Variants in FUT8 observed in about 807,000 individuals in gnomAD.
The protein encoded by FUT8 is fucosyltransferase 8, also known as alpha-(1,6)-fucosyltransferase.
Under a neutral mutation model 71.3 loss-of-function variants are expected in FUT8, and 29 were observed. The ratio of observed to expected loss-of-function variants is 0.41; its 90% CI spans 0.30 to 0.55. FUT8 has a LOEUF of 0.55. FUT8 is among the 20% of genes least tolerant of loss of function. FUT8 has a pLI of 0.34. For missense variants in FUT8, 544 were observed against 702.1 expected (o/e 0.77, Z 2.55); for synonymous variants, 254 against 239.3 (o/e 1.06, Z -0.57).
At chr14:65,420,126 G>A (rs1277132451) in intron 1 of FUT8, among the ~76,000 whole-genome samples, 1 of 151,978 alleles carries the variant, frequency 6.6e-6, no homozygotes, top group East Asian at 1.9e-4. Context: ...TGTGCAATTA[G>A]GAATAGTTCC....
the FUT8 span, among the ~76,000 whole-genome samples, chr14:65,376,749 G>A: frequency 6.6e-6 from 1 of 152,070 alleles, no homozygotes; most frequent in African/African-American, 2.4e-5. Context: ...TTCTTTCATA[G>A]CAGACAAGTT....
At chr14:65,532,738 G>T (rs897234660) in intron 2 of FUT8, among the ~76,000 whole-genome samples, 15 of 151,892 alleles carry the variant, frequency 9.9e-5, no homozygotes, top group African/African-American at 3.6e-4. Context: ...GAATGGTATT[G>T]CCTACGTTGT....
chr14:65,549,910 A>C (rs545184367), intron 2 of FUT8, among the ~76,000 whole-genome samples: 19 of 152,130 alleles, frequency 1.2e-4, no homozygotes, highest in Non-Finnish European at 2.4e-4. Flanking sequence ...AAACACAAAA[A>C]ATCAGTTGGG....
At chr14:65,433,444 C>A (rs1321340554) in intron 1 of FUT8, among the ~76,000 whole-genome samples, 1 of 152,142 alleles carries the variant, frequency 6.6e-6, no homozygotes. Flanking sequence ...TGTGAGACTT[C>A]TTCTTTAATC....
rs141079419 is a variant in FUT8, at chr14:65,543,817, C to A, written c.-227-17520C>A. Among the ~76,000 whole-genome samples the A allele has an allele frequency of 3.1e-3, 473 of 152,124 alleles. 2 individuals carry two copies. The highest frequency in any genetic ancestry group is 0.01 in the African/African-American group (429 of 41,500). The stretch of plus-strand genomic sequence containing the variant: ...TCTCTTAAAATTAAGAGACAGATTC[C>A]CAGTTGTTCTTTTGCACATAATTGC... On this transcript the variant is annotated intron_variant, in intron 2 of 10. Transcript: ENST00000673929.
intron 6 of FUT8, among the ~76,000 whole-genome samples, chr14:65,650,721 A>AC (rs1891357698): frequency 6.6e-5 from 9 of 136,666 alleles, no homozygotes; most frequent in African/African-American, 2.0e-4. Context: ...AAAAAAAAAA[A>AC]AAAAAAAACA....
chr14:65,689,154 A>G (rs1425211772), intron 7 of FUT8, among the ~76,000 whole-genome samples: 2 of 152,190 alleles, frequency 1.3e-5, no homozygotes, highest in Non-Finnish European at 2.9e-5. Flanking sequence ...ATTTCTTCAC[A>G]TCTTCCCCAG....
intron 7 of FUT8, among the ~76,000 whole-genome samples, chr14:65,680,955 G>A (rs149284103): frequency 4.9e-4 from 74 of 152,270 alleles, no homozygotes; most frequent in African/African-American, 1.8e-3. Context: ...TTCCTTGAAA[G>A]TTTTGTGTAC....
At chr14:65,554,369 G>A (rs1019232817) in intron 2 of FUT8, among the ~76,000 whole-genome samples, 1 of 144,722 alleles carries the variant, frequency 6.9e-6, no homozygotes. Flanking sequence ...GTCTGGTTTT[G>A]GTGTTTGCTT....
chr14:65,569,108 G>A (rs1485580696), intron 3 of FUT8, among the ~76,000 whole-genome samples: 4 of 151,482 alleles, frequency 2.6e-5, no homozygotes, highest in Non-Finnish European at 4.4e-5. Context: ...ATTTTAAGAA[G>A]CGTATCTTTC....
intron 2 of FUT8, among the ~76,000 whole-genome samples, chr14:65,456,366 G>T (rs1210374033): frequency 6.6e-6 from 1 of 152,136 alleles, no homozygotes; most frequent in African/African-American, 2.4e-5. Flanking sequence ...CTTTCACTTA[G>T]AATAATATAT....
intron 6 of FUT8, among the ~76,000 whole-genome samples, chr14:65,664,522 A>G (rs1220437601): frequency 1.3e-5 from 2 of 152,152 alleles, no homozygotes; most frequent in Non-Finnish European, 2.9e-5. Flanking sequence ...AAAGGCTCTT[A>G]ACTCTTCCTA....
intron 2 of FUT8, among the ~76,000 whole-genome samples, chr14:65,487,807 C>G (rs1300910082): frequency 6.6e-6 from 1 of 152,082 alleles, no homozygotes; most frequent in Non-Finnish European, 1.5e-5. Flanking sequence ...AGTCTTTGCT[C>G]CTTGCATTCT....
chr14:65,635,269 T>C (rs1489015662), intron 6 of FUT8, among the ~76,000 whole-genome samples: 1 of 152,130 alleles, frequency 6.6e-6, no homozygotes, highest in African/African-American at 2.4e-5. Flanking sequence ...TTGAGGTAAA[T>C]GATCATATCG....
upstream of FUT8, among the ~76,000 whole-genome samples, chr14:65,405,840 G>C (rs1210795162): frequency 6.6e-6 from 1 of 152,186 alleles, no homozygotes; most frequent in African/African-American, 2.4e-5. Context: ...TTTATATCTA[G>C]GTGAGGCCTG....
At chr14:65,422,241 A>G (rs752355472) in intron 1 of FUT8, among the ~76,000 whole-genome samples, 13 of 152,192 alleles carry the variant, frequency 8.5e-5, no homozygotes, top group East Asian at 7.7e-4. Flanking sequence ...TTTTTGTTCT[A>G]TGACCAAAAG....
At chr14:65,571,393 A>G (rs996729290) in intron 3 of FUT8, among the ~76,000 whole-genome samples, 21 of 152,132 alleles carry the variant, frequency 1.4e-4, no homozygotes, top group Admixed American at 4.6e-4. Flanking sequence ...GTGTGGCACA[A>G]AGTAAAAATT....
At chr14:65,650,255 T>C (rs192175494) in intron 6 of FUT8, among the ~76,000 whole-genome samples, 2,567 of 121,742 alleles carry the variant, frequency 0.021, 76 homozygotes, top group African/African-American at 0.074. Context: ...GCCGAGATCG[T>C]GCCACTGCAC....
intron 2 of FUT8, among the ~76,000 whole-genome samples, chr14:65,503,286 A>C (rs999365589): frequency 1.3e-5 from 2 of 152,236 alleles, no homozygotes; most frequent in Non-Finnish European, 1.5e-5. Context: ...GGAGGACAGA[A>C]TAGAACAATT....
Sources: allele counts gnomAD v4.1 joint callset (sites outside exome capture counted in the v4.1 genomes callset), GRCh38; gene constraint gnomAD v4.1.1; transcripts MANE v1.5; gene names NCBI Gene and HGNC (gene_info 2026-07-23, HGNC 2026-07-21).